Variants in TMPRSS4 observed in about 807,000 individuals in gnomAD.
The protein encoded by TMPRSS4 is transmembrane serine protease 4, also known as transmembrane protease serine 4.
A neutral mutation model predicts 56.4 loss-of-function variants in TMPRSS4; 45 were observed. The ratio of observed to expected loss-of-function variants is 0.80; its 90% CI spans 0.63 to 1.02. TMPRSS4 has a LOEUF of 1.02. Ranked by LOEUF, TMPRSS4 falls within the 50% of genes least tolerant of loss-of-function variation. The pLI is 0.00. For synonymous variants in TMPRSS4, 205 were observed against 211.0 expected, an observed-to-expected ratio of 0.97 and a Z score of 0.25; for missense variants, 546 against 556.7, an observed-to-expected ratio of 0.98 and a Z score of 0.19.
At chr11:118,115,567 C>G (rs913640079) in intron 11 of TMPRSS4, 9 of 321,734 alleles carry the variant, frequency 2.8e-5, no homozygotes, top group Non-Finnish European at 5.3e-5. Context: ...CGCTTGTAAT[C>G]CCAGCACTTT....
In TMPRSS4 at chr11:118,104,834, GC is replaced by G; in HGVS notation, c.440+16del. 6.4e-7 allele frequency: 1 copy of G among 1,558,256 alleles called. No homozygotes were observed. Reference sequence around the variant, plus strand: ...GGGCTACAGCAGGTAACCAACCTGGGCCTCTCTCCTTTTTCCCTCCTTCCTC... The same window carrying G: ...GGGCTACAGCAGGTAACCAACCTGGGCTCTCTCCTTTTTCCCTCCTTCCTC... On this transcript the variant is annotated intron_variant, in intron 5 of 12. Coordinates refer to ENST00000437212, the MANE Select transcript of TMPRSS4 (RefSeq NM_019894.4).
At chr11:118,105,677 A>G (rs192899211) in intron 5 of TMPRSS4, 2 of 152,310 alleles carry the variant, frequency 1.3e-5, no homozygotes, top group Non-Finnish European at 2.9e-5. Flanking sequence ...AGAGGATGGA[A>G]AAGAACCCAT....
In TMPRSS4 at chr11:118,104,783, C is replaced by G. The variant is rs1488589084; in HGVS notation, c.403C>G (p.Leu135Val). 2 of 1,613,348 alleles carry G rather than the reference C, an allele frequency of 1.2e-6. No individual in the cohort carries two copies. Among genetic ancestry groups the G allele is most frequent in the Non-Finnish European group, 1.7e-6 (2 of 1,179,660 alleles). Residue 135 changes from leucine to valine, a missense_variant, in exon 5 of 13, where the codon CTC becomes GTC. Leu to Val is a conservative substitution (Grantham distance 32). Coordinates refer to ENST00000437212, the MANE Select transcript of TMPRSS4 (RefSeq NM_019894.4). Reference sequence around the variant, plus strand: ...CTGTTTCGACAACTTCACAGAAGCTCTCGCTGAGACAGCCTGTAGGCAGAT... The same window carrying G: ...CTGTTTCGACAACTTCACAGAAGCTGTCGCTGAGACAGCCTGTAGGCAGAT... ...SACFDNFTEA[L>V]AETACRQMGY...
chr11:118,115,517 A>C (rs536878167), intron 11 of TMPRSS4: 3 of 507,020 alleles, frequency 5.9e-6, no homozygotes, highest in Non-Finnish European at 1.1e-5. Flanking sequence ...TGTCTCTTTC[A>C]CATTCGAAGA....
intron 1 of TMPRSS4, among the ~76,000 whole-genome samples, chr11:118,084,707 C>T (rs1289040537): frequency 6.6e-6 from 1 of 152,202 alleles, no homozygotes; most frequent in Non-Finnish European, 1.5e-5. Context: ...TACTAAACTC[C>T]TCTATGTTTC....
chr11:118,094,728 T>C, intron 1 of TMPRSS4, 88 bp from the exon 2 acceptor site: 1 of 1,200,708 alleles, frequency 8.3e-7, no homozygotes, highest in Non-Finnish European at 1.2e-6. Context: ...GAGAAGGGAA[T>C]GTAGACAAGA....
At chr11:118,081,620 G>A (rs1223270284) in intron 1 of TMPRSS4, among the ~76,000 whole-genome samples, 1 of 152,252 alleles carries the variant, frequency 6.6e-6, no homozygotes, top group Admixed American at 6.5e-5. Context: ...CTGTCCAGGG[G>A]TGGCAGTCGC....
Position 118,094,800 on chromosome 11 carries a change from A to G in TMPRSS4, c.4-16A>G. The G allele has an allele frequency of 6.2e-7, 1 of 1,609,602 alleles. No individual in the cohort carries two copies. ...AGAGGCTCCCTGCCTCAACTCACTG[A>G]CTGTTTTTCCTTCAATTACAGGATC... On this transcript the variant is annotated splice_polypyrimidine_tract_variant and intron_variant, in intron 1 of 12. Transcript: ENST00000437212.
At chr11:118,123,043 C>CA (rs1947824624), downstream of TMPRSS4, among the ~76,000 whole-genome samples, 2 of 152,166 alleles carry the variant, frequency 1.3e-5, no homozygotes, top group South Asian at 2.1e-4. Flanking sequence ...TTGGACCTCC[C>CA]AGTCTCCAGA....
At position 118,107,805 on chromosome 11, in the gene TMPRSS4, C is replaced by T. The variant is rs1265805346; in HGVS notation, c.472C>T (p.Pro158Ser). ...KPTFRAVEIG[P>S]DQDLDVVEIT... ...CACTTTCAGAGCTGTGGAGATTGGC[C>T]CAGACCAGGATCTGGATGTTGTTGA... Residue 158 changes from proline (P) to serine (S), a missense_variant, in exon 6 of 13, where the codon CCA (proline) becomes TCA (serine). Coordinates refer to ENST00000437212, the MANE Select transcript of TMPRSS4 (RefSeq NM_019894.4). The T allele has an allele frequency of 3.7e-6, 6 of 1,614,090 alleles. No individual in the cohort carries two copies. The South Asian group carries it at 6.6e-5, about 18-fold the overall frequency.
At chr11:118,111,704 G>A (rs2135443120) in intron 7 of TMPRSS4, 37 bp from the exon 8 acceptor site, 1 of 1,522,938 alleles carries the variant, frequency 6.6e-7, no homozygotes, top group Non-Finnish European at 8.8e-7. Flanking sequence ...CCAACAGCCT[G>A]ACTTCCTGCC....
chr11:118,098,986 T>G lies in TMPRSS4; in HGVS notation c.45T>G (p.Asp15Glu). 1 of 1,612,222 alleles carries G rather than the reference T, an allele frequency of 6.2e-7. No homozygotes were observed. Among genetic ancestry groups the G allele is most frequent in the Non-Finnish European group, 8.5e-7 (1 of 1,178,784 alleles). The change falls in exon 3 of 13, where the codon GAT becomes GAG. Residue 15 changes from aspartate (D) to glutamate (E), a missense_variant and splice_region_variant. Asp to Glu is a conservative substitution (Grantham distance 45). Coordinates refer to ENST00000437212, the MANE Select transcript of TMPRSS4 (RefSeq NM_019894.4). ...CCTCTGCCTCCCATTTTCTTGCAGA[T>G]GTCAAACCCCTGCGCAAACCCCGTA... ...PDSDQPLNSLDVKPLRKPRIP... is the reference protein window; with the variant it reads ...PDSDQPLNSLEVKPLRKPRIP...
chr11:118,115,039 C>T, intron 10 of TMPRSS4, 99 bp from the exon 11 acceptor site: 1 of 1,551,240 alleles, frequency 6.4e-7, no homozygotes, highest in Non-Finnish European at 8.7e-7. Context: ...CCTGGAGGAC[C>T]AAGCACCAAG....
chr11:118,084,082 AG>A (rs1945359426), intron 1 of TMPRSS4, among the ~76,000 whole-genome samples: 1 of 152,190 alleles, frequency 6.6e-6, no homozygotes, highest in Non-Finnish European at 1.5e-5. Flanking sequence ...ACCGTGCACC[AG>A]GCAATGTACT....
At chr11:118,123,763 A>G (rs2135487042), downstream of TMPRSS4, among the ~76,000 whole-genome samples, 1 of 152,112 alleles carries the variant, frequency 6.6e-6, no homozygotes, top group East Asian at 2.0e-4. Context: ...TGACCTCGTG[A>G]TCCGCCCGCC....
At chr11:118,108,932 G>A in intron 7 of TMPRSS4, 36 bp downstream of exon 7, 1 of 1,607,672 alleles carries the variant, frequency 6.2e-7, no homozygotes. Flanking sequence ...TTGGGGCCTG[G>A]GCCAGCAATG....
intron 5 of TMPRSS4, chr11:118,105,662 G>T (rs1292141750): frequency 6.6e-6 from 1 of 152,166 alleles, no homozygotes; most frequent in Non-Finnish European, 1.5e-5. Context: ...AGAGAGTTTA[G>T]CTGGAGAGGA....
chr11:118,105,343 G>T (rs1946936729), intron 5 of TMPRSS4, among the ~76,000 whole-genome samples: 1 of 152,180 alleles, frequency 6.6e-6, no homozygotes, highest in African/African-American at 2.4e-5. Context: ...AAAGGTGTAA[G>T]ATGATAGTAA....
chr11:118,089,897 A>G (rs1205370302), intron 1 of TMPRSS4, among the ~76,000 whole-genome samples: 2 of 152,076 alleles, frequency 1.3e-5, no homozygotes, highest in African/African-American at 4.8e-5. Context: ...CCCAGGCTGG[A>G]GTGCTGTGGC....
Sources: allele counts gnomAD v4.1 joint callset (sites outside exome capture counted in the v4.1 genomes callset), GRCh38; gene constraint gnomAD v4.1.1; transcripts MANE v1.5; gene names NCBI Gene and HGNC (gene_info 2026-07-23, HGNC 2026-07-21).